METTL22: variants seen among roughly 807,000 people sequenced by gnomAD.
METTL22 encodes methyltransferase-like protein 22.
In METTL22, 51 loss-of-function variants were observed where a neutral mutation model predicts 48.4. The observed-to-expected ratio is 1.05, with a 90% CI of 0.84 to 1.33. METTL22 has a LOEUF of 1.33. METTL22 is among the 40% of genes most tolerant of loss of function. METTL22 has a pLI of 0.00. For missense variants in METTL22, 678 were observed against 526.9 expected (o/e 1.29, Z -2.81); for synonymous variants, 255 against 214.1 (o/e 1.19, Z -1.67).
chr16:8,637,601 A>C (rs917346770), intron 5 of METTL22, among the ~76,000 whole-genome samples: 2 of 152,230 alleles, frequency 1.3e-5, no homozygotes, highest in Admixed American at 1.3e-4. Context: ...GGTCATCCAC[A>C]GCTGCTGATG....
downstream of METTL22, among the ~76,000 whole-genome samples, chr16:8,652,383 G>A (rs1037818943): frequency 1.4e-5 from 2 of 145,032 alleles, no homozygotes; most frequent in South Asian, 2.2e-4. Flanking sequence ...CGCTTAAACC[G>A]AGCAGGTCGA....
intron 5 of METTL22, 33 bp downstream of exon 5, chr16:8,635,345 T>C: frequency 1.3e-6 from 2 of 1,510,600 alleles, no homozygotes; most frequent in African/African-American, 1.4e-5. Flanking sequence ...TGCAGGGAAG[T>C]AGTCACCTTC....
At chr16:8,664,148 C>T in the METTL22 span, among the ~76,000 whole-genome samples, 1 of 150,798 alleles carries the variant, frequency 6.6e-6, no homozygotes, top group South Asian at 2.1e-4. Context: ...AGTGCAATGG[C>T]GTGATGTCGG....
chr16:8,635,749 C>T (rs1290952089), intron 5 of METTL22, among the ~76,000 whole-genome samples: 4 of 152,192 alleles, frequency 2.6e-5, no homozygotes, highest in African/African-American at 9.7e-5. Flanking sequence ...ATTTTACAAT[C>T]CCTAGATTGA....
At chr16:8,663,225 A>AAAAAAAAAAAT in the METTL22 span, among the ~76,000 whole-genome samples, 2 of 123,468 alleles carry the variant, frequency 1.6e-5, no homozygotes, top group African/African-American at 6.2e-5. Flanking sequence ...AAAAAAAAAA[A>AAAAAAAAAAAT]GGTAGCCAAG....
rs2056017813 is a variant in METTL22, at chr16:8,625,575, T to C, written c.-91T>C. 7.4e-7 allele frequency: 1 copy of C among 1,358,168 alleles called. No homozygotes were observed. Among genetic ancestry groups the C allele is most frequent in the South Asian group, 1.4e-5 (1 of 73,358 alleles). 84.1% of individuals were successfully genotyped at this position (1,358,168 alleles called of 1,614,324 possible). On this transcript the variant is annotated 5_prime_UTR_variant, in exon 2 of 11. Coordinates refer to ENST00000381920, the MANE Select transcript of METTL22 (RefSeq NM_024109.4). ...GCTACTCGCTACCAGCTTGGACCTG[T>C]CTGCAGTATCTCCTCTGGGACCTGC...
Position 8,632,327 on chromosome 16 carries a change from C to G in METTL22, c.515-2712C>G, listed in dbSNP as rs145734881. On this transcript the variant is annotated intron_variant, in intron 3 of 10. Coordinates refer to ENST00000381920, the MANE Select transcript of METTL22 (RefSeq NM_024109.4). ...AGCACATCTTAGATCAGTTCTTGGT[C>G]AGACTCCCAAATGACTTCATTTTAA... Among the ~76,000 whole-genome samples the G allele has an allele frequency of 9.0e-4, 137 of 152,310 alleles. 3 individuals are homozygous for G. The East Asian group carries it at 0.023, about 26-fold the overall frequency.
At chr16:8,641,431 G>A (rs2056614740) in intron 7 of METTL22, 2 of 609,612 alleles carry the variant, frequency 3.3e-6, no homozygotes, top group South Asian at 3.0e-5. Flanking sequence ...GTGGTAGCAT[G>A]ATAATCCCTG....
At chr16:8,629,605 ACTGGGAG>A (rs943742287) in intron 3 of METTL22, among the ~76,000 whole-genome samples, 13 of 152,156 alleles carry the variant, frequency 8.5e-5, no homozygotes, top group African/African-American at 2.9e-4. Context: ...AGTCAGATGG[ACTGGGAG>A]CTGGGAGCTA....
At chr16:8,655,329 C>G in the METTL22 span, among the ~76,000 whole-genome samples, 1 of 152,154 alleles carries the variant, frequency 6.6e-6, no homozygotes, top group African/African-American at 2.4e-5. Flanking sequence ...GGATTCAGTT[C>G]CTCACCTGCT....
chr16:8,635,239 G>A lies in METTL22; in HGVS notation c.627G>A (p.Ala209=), dbSNP rs199956865. Residue 209 remains alanine, a synonymous_variant, in exon 5 of 11, where the codon GCG becomes GCA. Coordinates refer to ENST00000381920, the MANE Select transcript of METTL22 (RefSeq NM_024109.4). ...FRQDLFRGCT[A]LELGAGTGLA... ...AGGACCTCTTCCGAGGATGTACAGC[G>A]CTGGAGCTCGGGGCCGGCACGGGGC... is the stretch of plus-strand genomic sequence containing the variant. The A allele has an allele frequency of 2.0e-5, 33 of 1,610,190 alleles. No homozygotes were observed. Among genetic ancestry groups the A allele is most frequent in the Admixed American group, 3.3e-5 (2 of 59,900 alleles).
Position 8,628,957 on chromosome 16 carries a change from G to A in METTL22, c.361G>A (p.Asp121Asn). 1 of 1,614,114 alleles carries A rather than the reference G, an allele frequency of 6.2e-7. No individual in the cohort carries two copies. Among genetic ancestry groups the A allele is most frequent in the Non-Finnish European group, 8.5e-7 (1 of 1,180,040 alleles). The change falls in exon 3 of 11, where the codon GAT becomes AAT. Residue 121 changes from aspartate (D) to asparagine (N), a missense_variant. By Grantham distance (23) the Asp-to-Asn change is conservative. Coordinates refer to ENST00000381920, the MANE Select transcript of METTL22 (RefSeq NM_024109.4). ...TGAAGCTCAGCTGGATGAGGATGGG[G>A]ATTTGGACGTGGTGAGAAGACCACG... ...VAEAQLDEDG[D>N]LDVVRRPRAA...
At chr16:8,657,501 T>C in the METTL22 span, among the ~76,000 whole-genome samples, 2 of 152,192 alleles carry the variant, frequency 1.3e-5, no homozygotes, top group African/African-American at 4.8e-5. Context: ...CCTCTTTAAC[T>C]AAAGGCAGGA....
chr16:8,622,581 C>G (rs1596325866), intron 1 of METTL22, among the ~76,000 whole-genome samples: 1 of 152,204 alleles, frequency 6.6e-6, no homozygotes, highest in Non-Finnish European at 1.5e-5. Context: ...CTTTTCCTGA[C>G]TAGAGAAACT....
the METTL22 span, among the ~76,000 whole-genome samples, chr16:8,663,225 A>AAAAAAAAAAAAAAAAAAGT: frequency 8.1e-6 from 1 of 123,468 alleles, no homozygotes; most frequent in Admixed American, 9.2e-5. Context: ...AAAAAAAAAA[A>AAAAAAAAAAAAAAAAAAGT]GGTAGCCAAG....
At position 8,628,765 on chromosome 16, in the gene METTL22, G is replaced by A; in HGVS notation, c.169G>A (p.Asp57Asn). 6.2e-7 allele frequency: 1 copy of A among 1,613,872 alleles called. No homozygotes were observed. Among genetic ancestry groups the A allele is most frequent in the Non-Finnish European group, 8.5e-7 (1 of 1,179,808 alleles). ...LSQFKLLWSQ[D>N]SWTDSGAKGG... ...CCAATTCAAGCTTCTATGGAGCCAAGACTCTTGGACAGATTCAGGAGCCAA... is the reference window on the plus strand; with the variant it reads ...CCAATTCAAGCTTCTATGGAGCCAAAACTCTTGGACAGATTCAGGAGCCAA... The change falls in exon 3 of 11, where the codon GAC becomes AAC. Residue 57 changes from aspartate to asparagine, a missense_variant. Coordinates refer to ENST00000381920, the MANE Select transcript of METTL22 (RefSeq NM_024109.4).
chr16:8,627,304 C>T (rs1432466430), intron 2 of METTL22, among the ~76,000 whole-genome samples: 1 of 152,196 alleles, frequency 6.6e-6, no homozygotes, highest in South Asian at 2.1e-4. Context: ...TGTGCCTACC[C>T]TTATGTCACT....
intron 3 of METTL22, among the ~76,000 whole-genome samples, chr16:8,629,379 C>A (rs2056177822): frequency 6.6e-6 from 1 of 152,178 alleles, no homozygotes; most frequent in African/African-American, 2.4e-5. Context: ...TTAACATGTT[C>A]CCCATTGCCG....
At chr16:8,664,480 G>A in the METTL22 span, among the ~76,000 whole-genome samples, 1 of 151,608 alleles carries the variant, frequency 6.6e-6, no homozygotes, top group Non-Finnish European at 1.5e-5. Context: ...TTGAGATGGG[G>A]TCTTGCTCTG....
Sources: allele counts gnomAD v4.1 joint callset (sites outside exome capture counted in the v4.1 genomes callset), GRCh38; gene constraint gnomAD v4.1.1; transcripts MANE v1.5; gene names NCBI Gene and HGNC (gene_info 2026-07-23, HGNC 2026-07-21).